The following PHTF2 variants were observed in gnomAD, a reference collection of about 807,000 sequenced individuals.
PHTF2 encodes the protein protein PHTF2.
Under a neutral mutation model 101.2 loss-of-function variants are expected in PHTF2, and 60 were observed. That is an observed-to-expected ratio of 0.59 (90% CI 0.48 to 0.73). The LOEUF (loss-of-function observed/expected upper bound fraction) is 0.73, where lower values mean the gene tolerates loss of function less well. Among genes scored for constraint, PHTF2 ranks in the 30% least tolerant of loss-of-function variants. The pLI is 0.00. For synonymous variants in PHTF2, 311 were observed against 307.3 expected, an observed-to-expected ratio of 1.01 and a Z score of -0.13; for missense variants, 747 against 908.7, an observed-to-expected ratio of 0.82 and a Z score of 2.29.
At chr7:77,923,781 C>G (rs1161037819) in intron 11 of PHTF2, 4 of 985,016 alleles carry the variant, frequency 4.1e-6, no homozygotes, top group African/African-American at 1.7e-5. Flanking sequence ...TTTGACCCCT[C>G]TCCCAGAATA....
intron 1 of PHTF2, among the ~76,000 whole-genome samples, chr7:77,814,678 A>C (rs1436974131): frequency 6.6e-6 from 1 of 151,808 alleles, no homozygotes; most frequent in African/African-American, 2.4e-5. Flanking sequence ...CGCCCAGCTA[A>C]TTTTTGTATT....
chr7:77,951,405 A>G (rs1806532274), intron 17 of PHTF2, among the ~76,000 whole-genome samples: 1 of 151,984 alleles, frequency 6.6e-6, no homozygotes, highest in Admixed American at 6.5e-5. Flanking sequence ...AGTCTTTTTT[A>G]TTTTGGCTTT....
At chr7:77,875,136 G>A (rs1414778187) in intron 3 of PHTF2, among the ~76,000 whole-genome samples, 3 of 152,180 alleles carry the variant, frequency 2.0e-5, no homozygotes, top group South Asian at 2.1e-4. Flanking sequence ...TTCTATTTCT[G>A]TGTAGGGGTT....
At chr7:77,951,507 T>C (rs1286905243) in intron 17 of PHTF2, 110 bp from the exon 17 acceptor site, 8 of 533,494 alleles carry the variant, frequency 1.5e-5, no homozygotes, top group South Asian at 2.8e-5. Flanking sequence ...ATAAAGACTA[T>C]TAAAATCACC....
intron 2 of PHTF2, among the ~76,000 whole-genome samples, chr7:77,850,360 C>CAAAAAAAAA (rs71082789): frequency 2.5e-4 from 11 of 44,390 alleles, no homozygotes; most frequent in African/African-American, 6.1e-4. Flanking sequence ...GACCTTGTCT[C>CAAAAAAAAA]AAAAAAAAAA....
chr7:77,857,543 A>T (rs1365081097), intron 3 of PHTF2, among the ~76,000 whole-genome samples: 1 of 152,258 alleles, frequency 6.6e-6, no homozygotes, highest in East Asian at 1.9e-4. Context: ...GTAACAGTAT[A>T]TATTCAGAAA....
intron 10 of PHTF2, among the ~76,000 whole-genome samples, chr7:77,921,696 C>G (rs921099390): frequency 6.6e-6 from 1 of 152,122 alleles, no homozygotes; most frequent in Admixed American, 6.6e-5. Context: ...CATATGCTTT[C>G]AAACACGTTT....
chr7:77,870,797 C>T (rs1404841702), intron 3 of PHTF2, among the ~76,000 whole-genome samples: 1 of 152,164 alleles, frequency 6.6e-6, no homozygotes. Context: ...CCTAACATAA[C>T]ACAGCTATCC....
At chr7:77,848,924 G>A (rs1443542635) in intron 2 of PHTF2, among the ~76,000 whole-genome samples, 1 of 151,892 alleles carries the variant, frequency 6.6e-6, no homozygotes, top group African/African-American at 2.4e-5. Context: ...TTCTGCATAG[G>A]GATATCCAGT....
At chr7:77,889,067 T>A (rs1029924091) in intron 3 of PHTF2, among the ~76,000 whole-genome samples, 2 of 152,242 alleles carry the variant, frequency 1.3e-5, no homozygotes, top group African/African-American at 4.8e-5. Flanking sequence ...TTAACTTTGG[T>A]AGCACAGCTC....
chr7:77,811,391 T>C (rs942586635), intron 1 of PHTF2, among the ~76,000 whole-genome samples: 1 of 152,236 alleles, frequency 6.6e-6, no homozygotes, highest in Non-Finnish European at 1.5e-5. Context: ...AATTAATACA[T>C]ACTGTGGCTA....
intron 1 of PHTF2, among the ~76,000 whole-genome samples, chr7:77,827,534 A>G (rs941498426): frequency 1.3e-5 from 2 of 151,746 alleles, no homozygotes. Context: ...TTGTATTTTT[A>G]GTAGAGATGG....
chr7:77,915,544 A>G (rs1327966052), intron 9 of PHTF2, among the ~76,000 whole-genome samples: 2 of 152,164 alleles, frequency 1.3e-5, no homozygotes, highest in Admixed American at 6.5e-5. Context: ...CAATTTGGTA[A>G]AAAGCTTTTC....
At chr7:77,883,078 A>C (rs984541869) in intron 3 of PHTF2, among the ~76,000 whole-genome samples, 1 of 152,136 alleles carries the variant, frequency 6.6e-6, no homozygotes, top group Non-Finnish European at 1.5e-5. Flanking sequence ...AATAAGTCCT[A>C]TTAGGAGCAA....
exon 8 of PHTF2, chr7:77,908,823 C>G (rs1802097063): frequency 6.2e-7 from 1 of 1,609,636 alleles, no homozygotes; most frequent in Non-Finnish European, 8.5e-7. Flanking sequence ...TGCTCCACTT[C>G]TAGCCCACAC....
chr7:77,952,699 A>G lies in PHTF2; in HGVS notation c.2211+987A>G, dbSNP rs145586284. Among the ~76,000 whole-genome samples the G allele has an allele frequency of 2.1e-3, 320 of 152,336 alleles. 1 individual carries two copies. The highest frequency in any genetic ancestry group is 6.7e-3 in the African/African-American group (280 of 41,584). On this transcript the variant is annotated intron_variant, in intron 18 of 19. Transcript: ENST00000416283. ...GAAGGGGCTACAAAGGTGAGACTCA[A>G]TGAGCAGCCACAATCTCAGAGCAAA...
At chr7:77,931,078 C>CG (rs1804523356) in intron 12 of PHTF2, among the ~76,000 whole-genome samples, 2 of 152,172 alleles carry the variant, frequency 1.3e-5, no homozygotes, top group African/African-American at 4.8e-5. Flanking sequence ...AGAAAAAGAA[C>CG]GGACTATATG....
At chr7:77,814,439 T>C (rs1793685882) in intron 1 of PHTF2, among the ~76,000 whole-genome samples, 1 of 152,110 alleles carries the variant, frequency 6.6e-6, no homozygotes, top group Non-Finnish European at 1.5e-5. Flanking sequence ...CACAGTATTT[T>C]CTCTGTAAGA....
rs559724975 is a variant in PHTF2 at position 77,820,243 on chromosome 7, G to T, written c.-35-19978G>T. On this transcript the variant is annotated intron_variant, in intron 1 of 19. Coordinates refer to ENST00000416283, the Ensembl canonical transcript of PHTF2. ...GGTTACTTGTTATTGGTCTGTTCAG[G>T]TTTTCTGTTTCTTCCTGGTTCAATC... 4.6e-5 allele frequency among the ~76,000 whole-genome samples: 7 copies of T among 152,258 alleles called. No individual in the cohort carries two copies. The East Asian group carries it at 1.4e-3, about 29-fold the overall frequency.
Sources: gnomAD v4.1 joint callset for allele counts (sites outside exome capture counted in the v4.1 genomes callset) on GRCh38, gnomAD v4.1.1 for gene constraint, MANE v1.5 for transcripts, NCBI Gene and HGNC (gene_info 2026-07-23, HGNC 2026-07-21) for gene names.